The following SMARCC1 variants were observed in gnomAD, a reference collection of about 807,000 sequenced individuals.
The protein encoded by SMARCC1 is SWI/SNF complex subunit SMARCC1.
In SMARCC1, 43 loss-of-function variants were observed where a neutral mutation model predicts 147.4. That is an observed-to-expected ratio of 0.29 (90% confidence interval 0.23 to 0.38). The LOEUF (loss-of-function observed/expected upper bound fraction) is 0.38. Among genes scored for constraint, SMARCC1 ranks in the 10% least tolerant of loss-of-function variants. The pLI is 1.00. For synonymous variants in SMARCC1, 495 were observed against 484.4 expected, an observed-to-expected ratio of 1.02 and a Z score of -0.29; for missense variants, 1,119 against 1,381.1, an observed-to-expected ratio of 0.81 and a Z score of 3.01.
chr3:47,731,995 T>C (rs553402297), intron 5 of SMARCC1, among the ~76,000 whole-genome samples: 1 of 152,298 alleles, frequency 6.6e-6, no homozygotes, highest in African/African-American at 2.4e-5. Flanking sequence ...ACTATGACAG[T>C]CCTAAATAGC....
chr3:47,724,206 A>G (rs1465124134), intron 6 of SMARCC1, among the ~76,000 whole-genome samples: 1 of 152,220 alleles, frequency 6.6e-6, no homozygotes, highest in African/African-American at 2.4e-5. Flanking sequence ...ATACTTGCAC[A>G]CCCATGTTCA....
At chr3:47,618,703 G>GA (rs1364492046) in intron 25 of SMARCC1, among the ~76,000 whole-genome samples, 4 of 152,188 alleles carry the variant, frequency 2.6e-5, no homozygotes, top group African/African-American at 7.2e-5. Context: ...GACAGAAGTG[G>GA]AAAGGGGATG....
At chr3:47,624,861 C>A (rs1466955671) in intron 24 of SMARCC1, among the ~76,000 whole-genome samples, 1 of 148,390 alleles carries the variant, frequency 6.7e-6, no homozygotes. Context: ...ACCAGCCTGG[C>A]CAACATAGTA....
At chr3:47,637,610 G>A (rs1225637594) in intron 22 of SMARCC1, among the ~76,000 whole-genome samples, 1 of 152,114 alleles carries the variant, frequency 6.6e-6, no homozygotes, top group Non-Finnish European at 1.5e-5. Context: ...TACTTGGGAG[G>A]CTGAGGCAGG....
intron 25 of SMARCC1, among the ~76,000 whole-genome samples, chr3:47,611,948 G>A (rs2032571159): frequency 6.6e-6 from 1 of 152,178 alleles, no homozygotes; most frequent in Non-Finnish European, 1.5e-5. Context: ...TTAGGGAGAG[G>A]GAGATTTTCT....
At position 47,701,358 on chromosome 3, in the gene SMARCC1, T is replaced by C; in HGVS notation, c.1085A>G (p.Asp362Gly). The C allele has an allele frequency of 6.2e-7, 1 of 1,613,642 alleles. No individual in the cohort carries two copies. Residue 362 changes from aspartate (D) to glycine (G), a missense_variant, in exon 11 of 28, where the codon GAT becomes GGT. Asp to Gly is a moderately conservative substitution (Grantham distance 94). Transcript: ENST00000254480. The part of the protein sequence containing the change: ...YGKRRSQKEE[D>G]EQEDLTKDME... ...ATCCTTGGTTAGATCTTCTTGCTCATCTTCCTCTTTCTGACTTCTGCGCTT... is the reference window on the plus strand; with the variant it reads ...ATCCTTGGTTAGATCTTCTTGCTCACCTTCCTCTTTCTGACTTCTGCGCTT...
At chr3:47,714,095 G>A (rs1245952926) in intron 8 of SMARCC1, among the ~76,000 whole-genome samples, 1 of 152,206 alleles carries the variant, frequency 6.6e-6, no homozygotes, top group Non-Finnish European at 1.5e-5. Flanking sequence ...CAGGCACGAT[G>A]GCTTACACCT....
chr3:47,638,693 C>T, intron 22 of SMARCC1, 32 bp downstream of exon 22: 6 of 1,557,758 alleles, frequency 3.9e-6, no homozygotes, highest in Non-Finnish European at 5.3e-6. Context: ...GAAAGGCATG[C>T]TATCTGTGGT....
chr3:47,720,714 A>G lies in SMARCC1; in HGVS notation c.668T>C (p.Met223Thr), dbSNP rs2034222557. ...CACTAACACTTGCTTCTCTTTTCTC[A>G]TCACCGGTCTCAACCATTCTTCTGG... ...QDDEEWLRPVMRKEKQVLVHW... is the reference protein window; with the variant it reads ...QDDEEWLRPVTRKEKQVLVHW... The change falls in exon 7 of 28, where the codon ATG becomes ACG. Residue 223 changes from methionine (M) to threonine (T), a missense_variant. This residue lies in a region of SMARCC1 where 542 missense variants were observed against 611.8 expected (regional missense o/e 0.89). Transcript: ENST00000254480. 6.2e-7 allele frequency: 1 copy of G among 1,612,568 alleles called. No homozygotes were observed. Among genetic ancestry groups the G allele is most frequent in the South Asian group, 1.1e-5 (1 of 91,004 alleles).
intron 25 of SMARCC1, among the ~76,000 whole-genome samples, chr3:47,614,852 A>AAAGGCCTCT (rs1371379668): frequency 2.0e-5 from 3 of 152,208 alleles, no homozygotes; most frequent in Non-Finnish European, 4.4e-5. Context: ...AGTAAAGCAA[A>AAAGGCCTCT]AAGGCCTCTG....
At chr3:47,680,266 G>C (rs1032383106) in intron 15 of SMARCC1, 171 bp downstream of exon 15, 10 of 570,408 alleles carry the variant, frequency 1.8e-5, no homozygotes, top group East Asian at 3.4e-5. Context: ...AACGAAACTA[G>C]ATACAATTTC....
chr3:47,701,356 C>T lies in SMARCC1; in HGVS notation c.1087G>A (p.Glu363Lys), dbSNP rs1420286843. 1.9e-6 allele frequency: 3 copies of T among 1,613,400 alleles called. No individual in the cohort carries two copies. Among genetic ancestry groups the T allele is most frequent in the Non-Finnish European group, 2.5e-6 (3 of 1,179,346 alleles). The change falls in exon 11 of 28, where the codon GAG (glutamate) becomes AAG (lysine). Residue 363 changes from glutamate to lysine, a missense_variant. By Grantham distance (56) the Glu-to-Lys change is moderately conservative. Around this residue, in one of 6 missense-constraint regions of SMARCC1, gnomAD observed 542 missense variants for 611.8 expected, o/e 0.89. Transcript: ENST00000254480. Reference protein sequence around the residue: ...GKRRSQKEEDEQEDLTKDMED... With the variant: ...GKRRSQKEEDKQEDLTKDMED... Reference sequence around the variant, plus strand: ...ATATCCTTGGTTAGATCTTCTTGCTCATCTTCCTCTTTCTGACTTCTGCGC... The same window carrying T: ...ATATCCTTGGTTAGATCTTCTTGCTTATCTTCCTCTTTCTGACTTCTGCGC...
chr3:47,611,274 T>G (rs1455519222), intron 25 of SMARCC1, among the ~76,000 whole-genome samples: 2 of 152,176 alleles, frequency 1.3e-5, no homozygotes, highest in Non-Finnish European at 2.9e-5. Context: ...AAAATCTAAG[T>G]CACTGGGAAT....
chr3:47,778,225 A>C (rs1226456167), intron 1 of SMARCC1, among the ~76,000 whole-genome samples: 1 of 151,524 alleles, frequency 6.6e-6, no homozygotes, highest in Admixed American at 6.6e-5. Flanking sequence ...AACAAAAAAA[A>C]CACTGACTCC....
At chr3:47,717,867 A>G (rs764417849) in intron 7 of SMARCC1, among the ~76,000 whole-genome samples, 12 of 151,896 alleles carry the variant, frequency 7.9e-5, no homozygotes, top group Admixed American at 2.0e-4. Flanking sequence ...ATGCCCAGCC[A>G]TGATATTTTA....
intron 2 of SMARCC1, among the ~76,000 whole-genome samples, chr3:47,767,198 A>G (rs1190794586): frequency 6.7e-6 from 1 of 148,692 alleles, no homozygotes; most frequent in Non-Finnish European, 1.5e-5. Flanking sequence ...AGAAAAAAAA[A>G]AAAAAAAAAA....
chr3:47,694,125 A>G (rs1304755254), intron 11 of SMARCC1, among the ~76,000 whole-genome samples: 2 of 152,142 alleles, frequency 1.3e-5, no homozygotes. Context: ...TTACAAGTCC[A>G]CTGTGTCCAT....
At chr3:47,761,136 A>AAAAAAG (rs1553691545) in intron 2 of SMARCC1, among the ~76,000 whole-genome samples, 12 of 149,882 alleles carry the variant, frequency 8.0e-5, no homozygotes, top group South Asian at 2.1e-4. Context: ...CTGTCTAAAA[A>AAAAAAG]AAAAGAAAAG....
intron 26 of SMARCC1, among the ~76,000 whole-genome samples, chr3:47,606,340 T>A (rs1029731528): frequency 6.6e-6 from 1 of 152,220 alleles, no homozygotes; most frequent in Non-Finnish European, 1.5e-5. Context: ...TGGCCTCACT[T>A]TGGAATCAGA....
Sources: gnomAD v4.1 joint callset for allele counts (sites outside exome capture counted in the v4.1 genomes callset) on GRCh38, gnomAD v4.1.1 for gene constraint, gnomAD v4.1.1 regional missense constraint, MANE v1.5 for transcripts, NCBI Gene and HGNC (gene_info 2026-07-23, HGNC 2026-07-21) for gene names.